Variants in ARSB observed in about 807,000 individuals in gnomAD.
ARSB encodes the protein N-acetylgalactosamine-4-sulfatase.
In ARSB, 41 loss-of-function variants were observed where a neutral mutation model predicts 50.9. That is an observed-to-expected ratio of 0.81 (90% CI 0.63 to 1.04). The LOEUF is 1.04. Among genes scored for constraint, ARSB ranks in the 50% least tolerant of loss-of-function variants. ARSB has a pLI of 0.00. For missense variants in ARSB, 672 were observed against 693.3 expected, an observed-to-expected ratio of 0.97 and a Z score of 0.35; for synonymous variants, 269 against 284.8, an observed-to-expected ratio of 0.94 and a Z score of 0.56.
chr5:78,861,751 A>G (rs1746447424), intron 5 of ARSB, among the ~76,000 whole-genome samples: 1 of 152,324 alleles, frequency 6.6e-6, no homozygotes, highest in African/African-American at 2.4e-5. Context: ...TAATGTTGGA[A>G]ATTCTGGTCA....
At chr5:78,822,827 AG>A (rs1346611194) in intron 6 of ARSB, among the ~76,000 whole-genome samples, 4 of 152,102 alleles carry the variant, frequency 2.6e-5, no homozygotes, top group Non-Finnish European at 5.9e-5. Flanking sequence ...TAGTAGAGGC[AG>A]GGTTTCACCA....
rs973438440 is a variant in ARSB, at chr5:78,779,846, C to A, written c.*551G>T. 1 of 157,128 alleles carries A rather than the reference C, an allele frequency of 6.4e-6. No individual in the cohort carries two copies. Among genetic ancestry groups the A allele is most frequent in the East Asian group, 1.9e-4 (1 of 5,354 alleles). 9.7% of individuals were successfully genotyped at this position (157,128 alleles called of 1,614,324 possible). A position where few individuals can be genotyped will look rare whatever the true frequency, so the allele number is the denominator to read the frequency against. On this transcript the variant is annotated 3_prime_UTR_variant, in exon 8 of 8. Transcript: ENST00000264914. ...GCAGGCATTTTGCTGTTGACCTGAA[C>A]AACAAAATGGGCCTTATGCTCTGTG...
intron 4 of ARSB, among the ~76,000 whole-genome samples, chr5:78,943,352 G>T (rs1244734822): frequency 6.6e-6 from 1 of 152,166 alleles, no homozygotes; most frequent in Non-Finnish European, 1.5e-5. Context: ...CTCGTTAGTT[G>T]ATGTAGTTTC....
chr5:78,843,917 A>C (rs1745336167), intron 5 of ARSB, among the ~76,000 whole-genome samples: 1 of 152,128 alleles, frequency 6.6e-6, no homozygotes, highest in Non-Finnish European at 1.5e-5. Context: ...ATAATATCCC[A>C]TTGCTTGAAG....
intron 5 of ARSB, among the ~76,000 whole-genome samples, chr5:78,874,366 T>C (rs1747387155): frequency 6.6e-6 from 1 of 152,136 alleles, no homozygotes; most frequent in African/African-American, 2.4e-5. Context: ...ACAGTAGGAA[T>C]AACACTACTT....
chr5:78,801,185 A>T (rs536628292), intron 6 of ARSB, among the ~76,000 whole-genome samples: 11 of 152,308 alleles, frequency 7.2e-5, no homozygotes, highest in African/African-American at 2.6e-4. Flanking sequence ...TTATACTCTG[A>T]TTACTAATTA....
intron 5 of ARSB, among the ~76,000 whole-genome samples, chr5:78,862,940 G>A (rs1057039975): frequency 7.9e-5 from 12 of 152,144 alleles, no homozygotes; most frequent in Admixed American, 2.0e-4. Context: ...CAAAAGGTGG[G>A]CAAAGGATAT....
At chr5:78,851,132 G>C (rs559122469) in intron 5 of ARSB, among the ~76,000 whole-genome samples, 13 of 152,290 alleles carry the variant, frequency 8.5e-5, no homozygotes, top group Non-Finnish European at 1.8e-4. Context: ...TGCTTTTCTA[G>C]TTGTTTTAAT....
chr5:78,814,476 G>A (rs761058252), intron 6 of ARSB, among the ~76,000 whole-genome samples: 3 of 150,774 alleles, frequency 2.0e-5, no homozygotes, highest in Non-Finnish European at 4.4e-5. Context: ...AAGCTACTGC[G>A]CCTTTATTTA....
At chr5:78,820,730 G>T (rs1051251918) in intron 6 of ARSB, among the ~76,000 whole-genome samples, 2 of 152,134 alleles carry the variant, frequency 1.3e-5, no homozygotes, top group Non-Finnish European at 2.9e-5. Flanking sequence ...GCTGTTCTGT[G>T]CATTGTGGGA....
intron 5 of ARSB, among the ~76,000 whole-genome samples, chr5:78,840,816 C>T (rs1309126695): frequency 7.2e-5 from 11 of 152,118 alleles, no homozygotes; most frequent in Non-Finnish European, 1.6e-4. Flanking sequence ...CCTTTCTTTT[C>T]TCATTTTCTT....
At position 78,839,404 on chromosome 5, in the gene ARSB, T is replaced by A; in HGVS notation, c.1165A>T (p.Ile389Phe). ...GGGTCAATATTATGCAGCAGCTCAA[T>A]TCTGGGGGATGGGCTTCCTTCACTG... The part of the protein sequence containing the change: ...TISEGSPSPR[I>F]ELLHNIDPNF... Residue 389 changes from isoleucine to phenylalanine, a missense_variant, in exon 6 of 8, where the codon ATT becomes TTT. Physicochemically the swap from Ile to Phe is conservative, Grantham distance 21. Transcript: ENST00000264914. 1 of 1,613,794 alleles carries A rather than the reference T, an allele frequency of 6.2e-7. No homozygotes were observed. The highest frequency in any genetic ancestry group is 8.5e-7 in the Non-Finnish European group (1 of 1,179,780).
rs867100156 is a variant in ARSB, at chr5:78,778,787, C to G, written c.*1610G>C. 6.6e-6 allele frequency: 1 copy of G among 152,128 alleles called. No homozygotes were observed. Among genetic ancestry groups the G allele is most frequent in the Non-Finnish European group, 1.5e-5 (1 of 68,030 alleles). The allele number at this position is 152,128 out of a possible 1,614,324, so 9.4% of individuals were successfully genotyped here. A position where few individuals can be genotyped will look rare whatever the true frequency, so the allele number is the denominator to read the frequency against. Reference sequence around the variant, plus strand: ...CCTGTAATCCCAGCACTTTTGGAGCCCAAGCTGGGATAATTGCTGGAGCCC... The same window carrying G: ...CCTGTAATCCCAGCACTTTTGGAGCGCAAGCTGGGATAATTGCTGGAGCCC... On this transcript the variant is annotated 3_prime_UTR_variant, in exon 8 of 8. Transcript: ENST00000264914.
At chr5:78,975,455 A>G (rs1308583793) in intron 1 of ARSB, among the ~76,000 whole-genome samples, 1 of 152,234 alleles carries the variant, frequency 6.6e-6, no homozygotes, top group Non-Finnish European at 1.5e-5. Flanking sequence ...TCCATTTATC[A>G]GTGTGATTAA....
At chr5:78,824,037 G>T (rs540452786) in intron 6 of ARSB, among the ~76,000 whole-genome samples, 1 of 152,134 alleles carries the variant, frequency 6.6e-6, no homozygotes, top group Non-Finnish European at 1.5e-5. Context: ...GTCTTGTTCT[G>T]TTCATGTTTT....
chr5:78,945,593 T>G (rs558890075), intron 4 of ARSB, among the ~76,000 whole-genome samples: 2 of 152,176 alleles, frequency 1.3e-5, no homozygotes, highest in Non-Finnish European at 2.9e-5. Context: ...CTGATCCTGC[T>G]TAAAACTTTT....
intron 6 of ARSB, among the ~76,000 whole-genome samples, chr5:78,799,336 C>T (rs1417774213): frequency 6.6e-6 from 1 of 152,214 alleles, no homozygotes; most frequent in African/African-American, 2.4e-5. Context: ...AAGCCTCAGT[C>T]CTCTCTCAAC....
chr5:78,907,447 G>C (rs1749114612), intron 4 of ARSB, among the ~76,000 whole-genome samples: 2 of 152,116 alleles, frequency 1.3e-5, no homozygotes, highest in African/African-American at 4.8e-5. Context: ...ATCTTTCCTG[G>C]GGAGTCTTGA....
At chr5:78,936,744 C>A (rs1230596499) in intron 4 of ARSB, among the ~76,000 whole-genome samples, 2 of 152,164 alleles carry the variant, frequency 1.3e-5, no homozygotes, top group Non-Finnish European at 2.9e-5. Context: ...ACAGGGCTCA[C>A]CTAGCTACTT....
Sources: allele counts gnomAD v4.1 joint callset (sites outside exome capture counted in the v4.1 genomes callset), GRCh38; gene constraint gnomAD v4.1.1; transcripts MANE v1.5; gene names NCBI Gene and HGNC (gene_info 2026-07-23, HGNC 2026-07-21).